Variants in RELL1 observed in about 807,000 individuals in gnomAD.
RELL1 encodes RELT like 1.
A neutral mutation model predicts 23.0 loss-of-function variants in RELL1; 10 were observed. The observed-to-expected ratio is 0.43, with a 90% CI of 0.27 to 0.74. The LOEUF is 0.74. Among genes scored for constraint, RELL1 ranks in the 30% least tolerant of loss-of-function variants. The probability of loss-of-function intolerance (pLI) is 0.19; values close to 1 mark genes in which losing one functional copy is unlikely to be tolerated. For synonymous variants in RELL1, 146 were observed against 146.8 expected (o/e 0.99, Z 0.04); for missense variants, 315 against 364.4 (o/e 0.86, Z 1.10).
At chr4:37,657,144 A>C (rs17495384) in intron 1 of RELL1, among the ~76,000 whole-genome samples, 5,614 of 152,334 alleles carry the variant, frequency 0.037, 111 homozygotes, top group Non-Finnish European at 0.052. Context: ...TAGTTTCCTG[A>C]AGTAAACATT....
At chr4:37,595,177 T>C (rs932413612) in intron 6 of RELL1, among the ~76,000 whole-genome samples, 1 of 152,242 alleles carries the variant, frequency 6.6e-6, no homozygotes, top group Non-Finnish European at 1.5e-5. Context: ...TGTTAACTAA[T>C]AGAACAATAA....
downstream of RELL1, among the ~76,000 whole-genome samples, chr4:37,608,545 T>C (rs1038652158): frequency 1.3e-5 from 2 of 151,978 alleles, no homozygotes; most frequent in African/African-American, 2.4e-5. Flanking sequence ...TTCAGTTCTA[T>C]AATGACTGAA....
rs897082660 is a variant in RELL1 at position 37,624,308 on chromosome 4, C to T, written c.*3+7077G>A. Among the ~76,000 whole-genome samples, 7 of 152,204 alleles carry T rather than the reference C, an allele frequency of 4.6e-5. No individual in the cohort carries two copies. In the East Asian group the frequency reaches 7.7e-4, roughly 17 times the overall value. Reference sequence around the variant, plus strand: ...CTCTGTCCAGCATTTCAATTTATCCCACCCTCTGATTTTTATAATAAAAAG... The same window carrying T: ...CTCTGTCCAGCATTTCAATTTATCCTACCCTCTGATTTTTATAATAAAAAG... On this transcript the variant is annotated intron_variant, in intron 6 of 6. Transcript: ENST00000454158.
intron 1 of RELL1, among the ~76,000 whole-genome samples, chr4:37,675,574 A>G (rs1393878552): frequency 6.6e-6 from 1 of 152,256 alleles, no homozygotes; most frequent in Non-Finnish European, 1.5e-5. Flanking sequence ...AACATGGTGG[A>G]AACAATTGCA....
intron 4 of RELL1, among the ~76,000 whole-genome samples, chr4:37,637,117 C>G (rs1226692577): frequency 6.6e-6 from 1 of 152,214 alleles, no homozygotes; most frequent in African/African-American, 2.4e-5. Flanking sequence ...ACGGGCACTA[C>G]AGGATGCCCA....
intron 6 of RELL1, chr4:37,623,425 T>C (rs1326566629): frequency 6.5e-6 from 1 of 153,232 alleles, no homozygotes; most frequent in African/African-American, 2.4e-5. Flanking sequence ...GCATGTAAGC[T>C]CCCAAGTATA....
intron 6 of RELL1, among the ~76,000 whole-genome samples, chr4:37,629,994 T>C (rs1050722554): frequency 6.6e-6 from 1 of 152,178 alleles, no homozygotes; most frequent in Admixed American, 6.5e-5. Context: ...CAGTGAGGCA[T>C]AGAAAGCTCA....
intron 6 of RELL1, among the ~76,000 whole-genome samples, chr4:37,624,535 T>C (rs1248790868): frequency 6.6e-6 from 1 of 151,256 alleles, no homozygotes; most frequent in African/African-American, 2.4e-5. Flanking sequence ...GCCATTCTCC[T>C]GCCTCAGCCT....
intron 6 of RELL1, among the ~76,000 whole-genome samples, chr4:37,627,045 A>G (rs776005534): frequency 3.3e-5 from 5 of 152,256 alleles, no homozygotes. Flanking sequence ...CAAAAAAATT[A>G]TAAGTATGTG....
chr4:37,594,352 T>C (rs1718752853), intron 6 of RELL1, among the ~76,000 whole-genome samples: 1 of 152,202 alleles, frequency 6.6e-6, no homozygotes, highest in African/African-American at 2.4e-5. Flanking sequence ...GCCAACCTTT[T>C]CAAACATTGT....
In RELL1 at chr4:37,631,401, C is replaced by T. The variant is rs201790579; in HGVS notation, c.803G>A (p.Ser268Asn). 2.0e-5 allele frequency: 33 copies of T among 1,613,976 alleles called. No homozygotes were observed. The highest frequency in any genetic ancestry group is 1.7e-4 in the Middle Eastern group (1 of 6,060). ...ACGGCTCACCTGCTACTCTGTGCCA[C>T]TGCGTTCTCTCTTCACAGGTGTTGC... is the stretch of plus-strand genomic sequence containing the variant. ...VPATPVKRERSGTE is the reference protein window; with the variant it reads ...VPATPVKRERNGTE Residue 268 changes from serine to asparagine, a missense_variant, in exon 6 of 7, where the codon AGT becomes AAT. By Grantham distance (46) the Ser-to-Asn change is conservative (BLOSUM62 1). Transcript: ENST00000454158.
intron 1 of RELL1, among the ~76,000 whole-genome samples, chr4:37,683,137 C>A (rs1009274966): frequency 1.3e-5 from 2 of 152,130 alleles, no homozygotes; most frequent in African/African-American, 4.8e-5. Context: ...CTTCTGATAA[C>A]CACATGCTTA....
chr4:37,686,374 A>G lies in RELL1; in HGVS notation c.-87T>C, dbSNP rs1722417552. 9.2e-7 allele frequency: 1 copy of G among 1,091,924 alleles called. No individual in the cohort carries two copies. Among genetic ancestry groups the G allele is most frequent in the Non-Finnish European group, 1.2e-6 (1 of 809,106 alleles). 67.6% of individuals were successfully genotyped at this position (1,091,924 alleles called of 1,614,324 possible). A position where few individuals can be genotyped will look rare whatever the true frequency, so the allele number is the denominator to read the frequency against. On this transcript the variant is annotated 5_prime_UTR_variant, in exon 1 of 7. Transcript: ENST00000454158. ...CGCTCCGGAGCCGGCGGGCTGATCGAGTGGCTGGGCTGGGCCCCAGGGAGC... is the reference window on the plus strand; with the variant it reads ...CGCTCCGGAGCCGGCGGGCTGATCGGGTGGCTGGGCTGGGCCCCAGGGAGC...
chr4:37,610,033 A>G (rs138184565), downstream of RELL1, among the ~76,000 whole-genome samples: 8 of 152,324 alleles, frequency 5.3e-5, no homozygotes, highest in East Asian at 1.5e-3. The surrounding 1 kb of genome is among the most constrained non-coding windows in gnomAD (Gnocchi z 4.1). Context: ...ATGCTATCAA[A>G]CAGTACTGCA....
At chr4:37,625,863 C>CA (rs1310862342) in intron 6 of RELL1, among the ~76,000 whole-genome samples, 1 of 151,572 alleles carries the variant, frequency 6.6e-6, no homozygotes. Flanking sequence ...ACATGTCGTA[C>CA]ATAATAAATA....
intron 1 of RELL1, among the ~76,000 whole-genome samples, chr4:37,668,823 C>T (rs1395012983): frequency 2.0e-5 from 3 of 147,722 alleles, no homozygotes; most frequent in Admixed American, 2.0e-4. Flanking sequence ...GCGTCTCTCC[C>T]CGGCCGCCCA....
intron 3 of RELL1, among the ~76,000 whole-genome samples, chr4:37,640,215 C>T (rs997159904): frequency 1.3e-5 from 2 of 152,148 alleles, no homozygotes; most frequent in African/African-American, 2.4e-5. Flanking sequence ...AAATACTTTA[C>T]CCTTCACAAC....
rs770384547 is a variant in RELL1 at position 37,635,111 on chromosome 4, G to A, written c.456C>T (p.Pro152=). 6.2e-7 allele frequency: 1 copy of A among 1,613,976 alleles called. No individual in the cohort carries two copies. Among genetic ancestry groups the A allele is most frequent in the South Asian group, 1.1e-5 (1 of 91,080 alleles). ...SLYDPESPVT[P]STPGSPPVSP... is the part of the protein sequence containing the mutation. The stretch of plus-strand genomic sequence containing the variant: ...TCACTGGCGGGCTCCCTGGTGTGCT[G>A]GGGGTCACGGGGCTAATGTGGGGAG... The change falls in exon 5 of 7, where the codon CCC becomes CCT. Residue 152 remains proline (P), a synonymous_variant. Coordinates refer to ENST00000454158, the MANE Select transcript of RELL1 (RefSeq NM_001085400.2).
At chr4:37,660,839 G>A (rs7668403) in intron 1 of RELL1, among the ~76,000 whole-genome samples, 53,758 of 151,816 alleles carry the variant, frequency 0.35, 9,825 homozygotes, top group Middle Eastern at 0.55. Context: ...AGACCATCCT[G>A]GCTAACACGG....
Sources: allele counts gnomAD v4.1 joint callset (sites outside exome capture counted in the v4.1 genomes callset), GRCh38; gene constraint gnomAD v4.1.1; non-coding constraint Gnocchi (gnomAD v3.1); transcripts MANE v1.5; gene names NCBI Gene and HGNC (gene_info 2026-07-23, HGNC 2026-07-21).